RANBP2: variants seen among roughly 807,000 people sequenced by gnomAD.
The protein encoded by RANBP2 is E3 SUMO-protein ligase RanBP2.
In RANBP2, 57 loss-of-function variants were observed where a neutral mutation model predicts 303.6. The ratio of observed to expected loss-of-function variants is 0.19; its 90% CI spans 0.15 to 0.23. The LOEUF is 0.23. Ranked by LOEUF, RANBP2 falls within the 10% of genes least tolerant of loss-of-function variation. RANBP2 has a pLI of 1.00. For synonymous variants in RANBP2, 1,167 were observed against 1,301.5 expected (o/e 0.90, Z 2.23); for missense variants, 3,138 against 3,780.8 (o/e 0.83, Z 4.46).
At chr2:108,944,410 G>T in the RANBP2 span, among the ~76,000 whole-genome samples, 3 of 152,216 alleles carry the variant, frequency 2.0e-5, no homozygotes, top group Admixed American at 2.0e-4. Context: ...CACCGTGCCC[G>T]GCCCAGGAAT....
chr2:109,006,256 C>T, the RANBP2 span, among the ~76,000 whole-genome samples: 1 of 151,990 alleles, frequency 6.6e-6, no homozygotes, highest in South Asian at 2.1e-4. Context: ...TGCAATGGCG[C>T]GATCTCGGCT....
At chr2:108,791,851 T>C in the RANBP2 span, 1 of 1,509,928 alleles carries the variant, frequency 6.6e-7, no homozygotes, top group East Asian at 2.3e-5. Flanking sequence ...CTTTGTCAAG[T>C]AGAGTAAATG....
At chr2:108,925,146 G>A in the RANBP2 span, among the ~76,000 whole-genome samples, 14 of 152,348 alleles carry the variant, frequency 9.2e-5, no homozygotes, top group African/African-American at 1.9e-4. Flanking sequence ...TATTGGTCCC[G>A]CTCCTGGGCT....
the RANBP2 span, among the ~76,000 whole-genome samples, chr2:109,089,442 T>C: frequency 1.4e-5 from 2 of 143,502 alleles, no homozygotes; most frequent in Non-Finnish European, 3.1e-5. Context: ...CATCTCTATT[T>C]AAAAAAAAAA....
At chr2:108,911,871 G>T in the RANBP2 span, among the ~76,000 whole-genome samples, 10 of 152,220 alleles carry the variant, frequency 6.6e-5, no homozygotes, top group Non-Finnish European at 1.5e-4. Context: ...GGGTGCATCT[G>T]CAGGAAAACC....
At chr2:108,753,209 T>C (rs1558905232) in intron 13 of RANBP2, 50 bp downstream of exon 13, 1 of 1,611,448 alleles carries the variant, frequency 6.2e-7, no homozygotes, top group East Asian at 2.2e-5. Flanking sequence ...TTCCAGTTTA[T>C]AAACAAAGAC....
chr2:108,913,184 T>C, the RANBP2 span, among the ~76,000 whole-genome samples: 8 of 152,136 alleles, frequency 5.3e-5, no homozygotes, highest in Admixed American at 1.3e-4. Flanking sequence ...CTCCTGACCT[T>C]GTGATCTGCC....
At chr2:109,054,866 C>T in the RANBP2 span, among the ~76,000 whole-genome samples, 147 of 152,284 alleles carry the variant, frequency 9.7e-4, no homozygotes, top group Non-Finnish European at 1.7e-3. Context: ...TTAGTTTAGC[C>T]TATTGTAGAA....
chr2:108,848,151 A>G, the RANBP2 span, among the ~76,000 whole-genome samples: 5 of 152,218 alleles, frequency 3.3e-5, no homozygotes, highest in African/African-American at 1.2e-4. Flanking sequence ...AAAATTATTA[A>G]TCATTTATCA....
the RANBP2 span, among the ~76,000 whole-genome samples, chr2:108,893,477 C>G: frequency 6.6e-6 from 1 of 152,058 alleles, no homozygotes. Flanking sequence ...ACAGGTCTAT[C>G]CTGGCACGAA....
At chr2:109,411,377 C>T in the RANBP2 span, among the ~76,000 whole-genome samples, 2 of 152,198 alleles carry the variant, frequency 1.3e-5, no homozygotes, top group Non-Finnish European at 2.9e-5. Flanking sequence ...TCATCTCTGC[C>T]CCTCAGCAGG....
the RANBP2 span, among the ~76,000 whole-genome samples, chr2:109,731,787 C>T: frequency 6.6e-6 from 1 of 151,912 alleles, no homozygotes; most frequent in Admixed American, 6.6e-5. Context: ...TGCGTCTGGC[C>T]TGTTTCATTT....
the RANBP2 span, among the ~76,000 whole-genome samples, chr2:108,796,346 G>A: frequency 1.3e-5 from 2 of 152,048 alleles, no homozygotes; most frequent in African/African-American, 2.4e-5. Flanking sequence ...GAGCCACCGC[G>A]CCTGGCCAAA....
the RANBP2 span, among the ~76,000 whole-genome samples, chr2:109,320,983 A>G: frequency 6.6e-6 from 1 of 152,248 alleles, no homozygotes; most frequent in African/African-American, 2.4e-5. Context: ...ATTAGATTGT[A>G]TGTAAGGCAT....
the RANBP2 span, chr2:108,910,625 C>T: frequency 1.4e-6 from 2 of 1,409,470 alleles, no homozygotes; most frequent in African/African-American, 1.4e-5. Flanking sequence ...TTGGGCAGAG[C>T]TGCCCGGTGT....
the RANBP2 span, among the ~76,000 whole-genome samples, chr2:108,926,676 C>T: frequency 6.6e-6 from 1 of 152,222 alleles, no homozygotes; most frequent in African/African-American, 2.4e-5. Context: ...TCCCACACAA[C>T]CTCTCCCAAC....
the RANBP2 span, among the ~76,000 whole-genome samples, chr2:109,093,777 C>G: frequency 1.3e-5 from 2 of 152,054 alleles, no homozygotes; most frequent in Non-Finnish European, 2.9e-5. Flanking sequence ...CTGAATTGTT[C>G]TTCTCCGTTT....
chr2:109,208,318 A>G, the RANBP2 span, among the ~76,000 whole-genome samples: 1 of 152,224 alleles, frequency 6.6e-6, no homozygotes, highest in African/African-American at 2.4e-5. Flanking sequence ...CTTCCCTTAA[A>G]CCTGGGCTCC....
At position 108,763,224 on chromosome 2, in the gene RANBP2, TTC is replaced by T. The variant is rs1319850684; in HGVS notation, c.2698-11_2698-10del. 1.1e-5 allele frequency: 17 copies of T among 1,613,170 alleles called. No homozygotes were observed. The highest frequency in any genetic ancestry group is 1.4e-5 in the Non-Finnish European group (17 of 1,179,722). On this transcript the variant is annotated splice_polypyrimidine_tract_variant and intron_variant, in intron 19 of 28. Coordinates refer to ENST00000283195, the MANE Select transcript of RANBP2 (RefSeq NM_006267.5). ...AGACAATCTACAAAATGTTTTAACTTTCTGTCTTTTAGGGCCCAGTCTATGGC... is the reference window on the plus strand; with the variant it reads ...AGACAATCTACAAAATGTTTTAACTTTGTCTTTTAGGGCCCAGTCTATGGC...
Sources: gnomAD v4.1 joint callset for allele counts (sites outside exome capture counted in the v4.1 genomes callset) on GRCh38, gnomAD v4.1.1 for gene constraint, MANE v1.5 for transcripts, NCBI Gene and HGNC (gene_info 2026-07-23, HGNC 2026-07-21) for gene names.